The following PTPN12 variants were observed in gnomAD, a reference collection of about 807,000 sequenced individuals.
PTPN12 encodes the protein protein tyrosine phosphatase non-receptor type 12.
A neutral mutation model predicts 97.6 loss-of-function variants in PTPN12; 29 were observed. The ratio of observed to expected loss-of-function variants is 0.30; its 90% CI spans 0.22 to 0.41. PTPN12 has a LOEUF of 0.41. PTPN12 is among the 10% of genes least tolerant of loss of function. The pLI is 1.00. For missense variants in PTPN12, 819 were observed against 926.0 expected (o/e 0.88, Z 1.50); for synonymous variants, 327 against 300.4 (o/e 1.09, Z -0.91).
chr7:77,622,495 C>T (rs989001314), intron 12 of PTPN12, among the ~76,000 whole-genome samples: 4 of 152,202 alleles, frequency 2.6e-5, no homozygotes, highest in African/African-American at 9.6e-5. Context: ...ATAGGCCAGG[C>T]GCAGTGGCTC....
intron 1 of PTPN12, among the ~76,000 whole-genome samples, chr7:77,541,895 C>G (rs1191995529): frequency 6.6e-6 from 1 of 152,108 alleles, no homozygotes; most frequent in Non-Finnish European, 1.5e-5. Context: ...TAGCAAATAG[C>G]TAATTTGTGG....
At chr7:77,604,463 C>T (rs935056112) in intron 8 of PTPN12, among the ~76,000 whole-genome samples, 1 of 151,984 alleles carries the variant, frequency 6.6e-6, no homozygotes. Flanking sequence ...GATCACCTGC[C>T]TCGGCCTCCC....
At chr7:77,539,100 G>GTGATA (rs2151291187) in intron 1 of PTPN12, among the ~76,000 whole-genome samples, 1 of 152,266 alleles carries the variant, frequency 6.6e-6, no homozygotes, top group South Asian at 2.1e-4. Context: ...TATGGTGGAG[G>GTGATA]TGATATGACT....
At position 77,537,570 on chromosome 7, in the gene PTPN12, G is replaced by A. The variant is rs1563187881; in HGVS notation, c.24G>A (p.Arg8=). 1 of 1,600,518 alleles carries A rather than the reference G, an allele frequency of 6.2e-7. No homozygotes were observed. Among genetic ancestry groups the A allele is most frequent in the Non-Finnish European group, 8.5e-7 (1 of 1,174,886 alleles). ...GGATGGAGCAAGTGGAGATCCTGAG[G>A]AAATTCATCCAGAGGGTCCAGGCCA... is the stretch of plus-strand genomic sequence containing the variant. MEQVEIL[R]KFIQRVQAMK... Residue 8 remains arginine (R), a synonymous_variant, in exon 1 of 18, where the codon AGG becomes AGA. Coordinates refer to ENST00000248594, the MANE Select transcript of PTPN12 (RefSeq NM_002835.4).
At chr7:77,564,747 T>TG (rs766912410) in intron 1 of PTPN12, among the ~76,000 whole-genome samples, 4 of 42,136 alleles carry the variant, frequency 9.5e-5, no homozygotes, top group East Asian at 5.9e-4. Context: ...TGTTGTCGTG[T>TG]TTTTTTTTTT....
intron 1 of PTPN12, among the ~76,000 whole-genome samples, chr7:77,546,328 T>C (rs998533957): frequency 6.6e-6 from 1 of 152,220 alleles, no homozygotes; most frequent in Non-Finnish European, 1.5e-5. Context: ...GTTTGATCTT[T>C]AATATCACAA....
At position 77,537,330 on chromosome 7, in the gene PTPN12, C is replaced by G; in HGVS notation, c.-217C>G. 2.0e-6 allele frequency: 1 copy of G among 500,722 alleles called. No individual in the cohort carries two copies. 31.0% of individuals were successfully genotyped at this position (500,722 alleles called of 1,614,324 possible). On this transcript the variant is annotated 5_prime_UTR_variant, in exon 1 of 18. Transcript: ENST00000248594. ...CGGCTCGCCTGGTACTGTGGGAGAG[C>G]GGCGGCTGCTCCTGGAAGTTGTGGT...
At chr7:77,553,395 C>T (rs372125564) in intron 1 of PTPN12, among the ~76,000 whole-genome samples, 1 of 152,202 alleles carries the variant, frequency 6.6e-6, no homozygotes, top group African/African-American at 2.4e-5. Flanking sequence ...GTACGGAAGT[C>T]TTCAACTATA....
At chr7:77,615,337 A>G (rs1788712269) in intron 11 of PTPN12, among the ~76,000 whole-genome samples, 1 of 152,174 alleles carries the variant, frequency 6.6e-6, no homozygotes, top group African/African-American at 2.4e-5. Flanking sequence ...GCAGCTGATA[A>G]TATTCTTAAA....
chr7:77,631,718 A>G (rs965769923), intron 13 of PTPN12, among the ~76,000 whole-genome samples: 1 of 152,248 alleles, frequency 6.6e-6, no homozygotes, highest in Admixed American at 6.5e-5. Flanking sequence ...AAGTACAGCC[A>G]TGTGCCACTG....
chr7:77,613,166 GGT>G (rs1491231262), intron 11 of PTPN12, among the ~76,000 whole-genome samples: 8 of 117,866 alleles, frequency 6.8e-5, no homozygotes, highest in African/African-American at 2.5e-4. Flanking sequence ...TTAATTTTTG[GGT>G]TTTTTTTTTT....
chr7:77,584,876 C>CAAAA (rs932401569), intron 4 of PTPN12, among the ~76,000 whole-genome samples: 1 of 88,596 alleles, frequency 1.1e-5, no homozygotes, highest in Admixed American at 1.2e-4. Context: ...GACTCCGTCT[C>CAAAA]AAAAAAAAAA....
intron 1 of PTPN12, among the ~76,000 whole-genome samples, chr7:77,548,887 T>C (rs1275964641): frequency 6.6e-6 from 1 of 152,234 alleles, no homozygotes; most frequent in Admixed American, 6.5e-5. Flanking sequence ...CAAGTTTCCA[T>C]GTCTCTGGGG....
intron 1 of PTPN12, among the ~76,000 whole-genome samples, chr7:77,541,181 C>T (rs1010274887): frequency 3.9e-5 from 6 of 152,158 alleles, no homozygotes; most frequent in Non-Finnish European, 7.3e-5. Flanking sequence ...GCGTCGGTCT[C>T]CCTGGGCTCA....
intron 1 of PTPN12, 63 bp downstream of exon 1, chr7:77,537,708 C>G (rs979100318): frequency 4.7e-6 from 7 of 1,503,774 alleles, no homozygotes; most frequent in Non-Finnish European, 5.4e-6. Context: ...CCGCCTCTCC[C>G]GGCCGGGCCG....
intron 1 of PTPN12, among the ~76,000 whole-genome samples, chr7:77,570,744 G>T (rs896745889): frequency 6.6e-5 from 10 of 152,164 alleles, no homozygotes; most frequent in Non-Finnish European, 1.2e-4. Context: ...TTAAAACTTG[G>T]TTATTGTGAC....
intron 7 of PTPN12, 23 bp downstream of exon 7, chr7:77,597,924 C>T (rs6955503): frequency 0.28 from 450,545 of 1,607,278 alleles, 63,934 homozygotes; most frequent in Non-Finnish European, 0.29. Context: ...CATTTATAGA[C>T]TATCTGTAAG....
intron 1 of PTPN12, among the ~76,000 whole-genome samples, chr7:77,556,153 T>C (rs1020190473): frequency 2.0e-5 from 3 of 152,118 alleles, no homozygotes; most frequent in Non-Finnish European, 4.4e-5. Flanking sequence ...CTCCGCCTCC[T>C]GGGCTCAAGC....
rs142413522 is a variant in PTPN12, at chr7:77,586,123, T to C, written c.420+542T>C. On this transcript the variant is annotated intron_variant, in intron 5 of 17. Transcript: ENST00000248594. ...CATGTGCCACCACAACTGGCTAATTTTTGTAGTTTTAGTAAAGATGGGGTT... is the reference window on the plus strand; with the variant it reads ...CATGTGCCACCACAACTGGCTAATTCTTGTAGTTTTAGTAAAGATGGGGTT... 6.3e-3 allele frequency among the ~76,000 whole-genome samples: 956 copies of C among 152,162 alleles called. 16 individuals carry two copies. Among genetic ancestry groups the C allele is most frequent in the African/African-American group, 0.022 (894 of 41,500 alleles).
Sources: allele counts gnomAD v4.1 joint callset (sites outside exome capture counted in the v4.1 genomes callset), GRCh38; gene constraint gnomAD v4.1.1; transcripts MANE v1.5; gene names NCBI Gene and HGNC (gene_info 2026-07-23, HGNC 2026-07-21).